Variants in PLXDC2 observed in about 807,000 individuals in gnomAD.
The protein encoded by PLXDC2 is plexin domain containing 2.
Under a neutral mutation model 68.9 loss-of-function variants are expected in PLXDC2, and 40 were observed. The observed-to-expected ratio is 0.58, with a 90% CI of 0.45 to 0.76. The LOEUF (loss-of-function observed/expected upper bound fraction) is 0.76. PLXDC2 is among the 30% of genes least tolerant of loss of function. The pLI, the probability that PLXDC2 is intolerant of heterozygous loss-of-function variation, is 0.00. For missense variants in PLXDC2, 644 were observed against 661.9 expected (o/e 0.97, Z 0.30); for synonymous variants, 243 against 234.2 (o/e 1.04, Z -0.34).
At chr10:19,954,919 C>T (rs1834044024) in intron 1 of PLXDC2, among the ~76,000 whole-genome samples, 1 of 152,146 alleles carries the variant, frequency 6.6e-6, no homozygotes, top group Non-Finnish European at 1.5e-5. Context: ...CTGTACACTT[C>T]TTTCAGGACC....
rs1216634268 is a variant in PLXDC2, at chr10:20,281,624, T to C, written c.*1805T>C. On this transcript the variant is annotated 3_prime_UTR_variant, in exon 14 of 14. Transcript: ENST00000377252. ...AATTTTAAGTATTTGATGAAGATGG[T>C]AACTTTTTCCTAACTTAGTTAACTA... is the stretch of plus-strand genomic sequence containing the variant. The C allele has an allele frequency of 6.6e-6, 1 of 152,188 alleles. No homozygotes were observed. Among genetic ancestry groups the C allele is most frequent in the Non-Finnish European group, 1.5e-5 (1 of 68,028 alleles). 9.4% of individuals were successfully genotyped at this position (152,188 alleles called of 1,614,324 possible).
At chr10:19,977,451 T>C (rs908278129) in intron 1 of PLXDC2, among the ~76,000 whole-genome samples, 1 of 152,144 alleles carries the variant, frequency 6.6e-6, no homozygotes, top group Non-Finnish European at 1.5e-5. Context: ...AGGAGGCCAC[T>C]GGGGGAGGGG....
At position 20,047,708 on chromosome 10, in the gene PLXDC2, C is replaced by T. The variant is rs193247756; in HGVS notation, c.471+693C>T. Among the ~76,000 whole-genome samples the T allele has an allele frequency of 3.2e-3, 480 of 152,196 alleles. 3 individuals are homozygous for T. The highest frequency in any genetic ancestry group is 0.011 in the African/African-American group (442 of 41,566). On this transcript the variant is annotated intron_variant, in intron 3 of 13. Coordinates refer to ENST00000377252, the MANE Select transcript of PLXDC2 (RefSeq NM_032812.9). Reference sequence around the variant, plus strand: ...GCCTATTCAAGGGCCAGCCTGAATGCTCAAATGCATTAGCTTTTCCAATCT... The same window carrying T: ...GCCTATTCAAGGGCCAGCCTGAATGTTCAAATGCATTAGCTTTTCCAATCT...
chr10:19,824,548 G>A (rs1171076706), intron 1 of PLXDC2, among the ~76,000 whole-genome samples: 1 of 152,140 alleles, frequency 6.6e-6, no homozygotes, highest in Non-Finnish European at 1.5e-5. Flanking sequence ...AATTATCTCT[G>A]TAGAGTACTC....
In PLXDC2 at chr10:20,283,285, A is replaced by T. The variant is rs1836104823; in HGVS notation, c.*3466A>T. On this transcript the variant is annotated 3_prime_UTR_variant, in exon 14 of 14. Coordinates refer to ENST00000377252, the MANE Select transcript of PLXDC2 (RefSeq NM_032812.9). ...ATCACTTCAACCTCCTTGAGTCTCA[A>T]TTTGCAATTTTGGAAAAGAAAAACA... is the stretch of plus-strand genomic sequence containing the variant. 1.3e-5 allele frequency: 2 copies of T among 152,180 alleles called. No individual in the cohort carries two copies. Among genetic ancestry groups the T allele is most frequent in the African/African-American group, 2.4e-5 (1 of 41,458 alleles). The allele number at this position is 152,180 out of a possible 1,614,324, so 9.4% of individuals were successfully genotyped here.
At chr10:20,118,218 C>G (rs756391234) in intron 4 of PLXDC2, among the ~76,000 whole-genome samples, 10 of 151,864 alleles carry the variant, frequency 6.6e-5, no homozygotes, top group Non-Finnish European at 1.5e-4. Context: ...GTGAGTTTTT[C>G]TTTCAGTTTG....
chr10:19,878,332 T>C (rs1837671554), intron 1 of PLXDC2, among the ~76,000 whole-genome samples: 1 of 151,894 alleles, frequency 6.6e-6, no homozygotes, highest in African/African-American at 2.4e-5. Flanking sequence ...CTCCTAAGTA[T>C]CTGAACTACA....
At chr10:19,827,308 G>A (rs564380186) in intron 1 of PLXDC2, among the ~76,000 whole-genome samples, 4 of 152,162 alleles carry the variant, frequency 2.6e-5, no homozygotes, top group East Asian at 1.9e-4. Context: ...GGGACAAACC[G>A]GTCCTCCTTG....
At position 20,164,497 on chromosome 10, in the gene PLXDC2, A is replaced by C; in HGVS notation, c.813A>C (p.Ser271=). Residue 271 remains serine (S), a synonymous_variant, in exon 7 of 14, where the codon TCA becomes TCC. Coordinates refer to ENST00000377252, the MANE Select transcript of PLXDC2 (RefSeq NM_032812.9). ...CTGTCTTGGTCACACAGATAAGTTCAACCAATCATCCAGTGAAAGTCGGAC... is the reference window on the plus strand; with the variant it reads ...CTGTCTTGGTCACACAGATAAGTTCCACCAATCATCCAGTGAAAGTCGGAC... ...EIPVLVTQIS[S]TNHPVKVGLS... is the part of the protein sequence containing the mutation. 1 of 1,613,590 alleles carries C rather than the reference A, an allele frequency of 6.2e-7. No individual in the cohort carries two copies. The highest frequency in any genetic ancestry group is 8.5e-7 in the Non-Finnish European group (1 of 1,179,680).
At chr10:19,937,732 CTG>C (rs1369376477) in intron 1 of PLXDC2, among the ~76,000 whole-genome samples, 3 of 151,908 alleles carry the variant, frequency 2.0e-5, no homozygotes, top group African/African-American at 7.3e-5. Context: ...TTGCCACACT[CTG>C]TGGCAGGGTG....
At chr10:20,094,496 TTTA>T (rs1389975330) in intron 4 of PLXDC2, among the ~76,000 whole-genome samples, 2 of 152,162 alleles carry the variant, frequency 1.3e-5, no homozygotes, top group African/African-American at 2.4e-5. Context: ...TAAAAGACAA[TTTA>T]TGACTGGAAG....
intron 1 of PLXDC2, among the ~76,000 whole-genome samples, chr10:19,917,537 C>T (rs1833390329): frequency 6.6e-6 from 1 of 152,284 alleles, no homozygotes; most frequent in Non-Finnish European, 1.5e-5. Context: ...TGATTCAGTT[C>T]AGCCTCAATC....
At chr10:19,984,916 C>T (rs182586313) in intron 1 of PLXDC2, among the ~76,000 whole-genome samples, 5 of 152,116 alleles carry the variant, frequency 3.3e-5, no homozygotes, top group South Asian at 2.1e-4. Flanking sequence ...TGATGTTCAA[C>T]GTGTAGGAAT....
chr10:20,099,946 T>C (rs1424887231), intron 4 of PLXDC2, among the ~76,000 whole-genome samples: 2 of 152,180 alleles, frequency 1.3e-5, no homozygotes, highest in Non-Finnish European at 2.9e-5. Flanking sequence ...CAGTATGTAT[T>C]AGTGACACAA....
At chr10:20,019,637 C>A (rs1042547124) in intron 2 of PLXDC2, among the ~76,000 whole-genome samples, 1 of 152,164 alleles carries the variant, frequency 6.6e-6, no homozygotes, top group Non-Finnish European at 1.5e-5. Context: ...CCTCTCCATT[C>A]ACACACATTG....
Position 20,025,266 on chromosome 10 carries a change from G to C in PLXDC2, c.325-21603G>C, listed in dbSNP as rs558063519. Among the ~76,000 whole-genome samples, 21 of 83,644 alleles carry C rather than the reference G, an allele frequency of 2.5e-4. No individual in the cohort carries two copies. In the East Asian group the frequency reaches 9.3e-3, roughly 37 times the overall value. The allele number at this position is 83,644 out of a possible 152,430, so 54.9% of individuals were successfully genotyped here. ...CCTAGCCAGCATCTATTGTTTTTTC[G>C]ACTTTTTTTTTTTTTTGACAGAGTT... On this transcript the variant is annotated intron_variant, in intron 2 of 13. Coordinates refer to ENST00000377252, the MANE Select transcript of PLXDC2 (RefSeq NM_032812.9).
chr10:20,104,158 A>G (rs1236544047), intron 4 of PLXDC2, among the ~76,000 whole-genome samples: 1 of 152,210 alleles, frequency 6.6e-6, no homozygotes, highest in Non-Finnish European at 1.5e-5. Flanking sequence ...CACAATATGA[A>G]TTAGTCACAT....
chr10:19,859,071 C>G (rs1466567862), intron 1 of PLXDC2, among the ~76,000 whole-genome samples: 2 of 151,258 alleles, frequency 1.3e-5, no homozygotes, highest in African/African-American at 2.4e-5. Flanking sequence ...GAGGAGGTGC[C>G]AGGCTTTCTT....
At chr10:20,062,283 G>A (rs1473937544) in intron 3 of PLXDC2, among the ~76,000 whole-genome samples, 2 of 152,166 alleles carry the variant, frequency 1.3e-5, no homozygotes, top group African/African-American at 4.8e-5. Flanking sequence ...AATCAGCTGG[G>A]TATGGTGGCG....
Sources: allele counts gnomAD v4.1 joint callset (sites outside exome capture counted in the v4.1 genomes callset), GRCh38; gene constraint gnomAD v4.1.1; transcripts MANE v1.5; gene names NCBI Gene and HGNC (gene_info 2026-07-23, HGNC 2026-07-21).